LRRK2: variants seen among roughly 807,000 people sequenced by gnomAD.
LRRK2 encodes the protein leucine rich repeat kinase 2.
In LRRK2, 203 loss-of-function variants were observed where a neutral mutation model predicts 302.6. The observed-to-expected ratio is 0.67, with a 90% CI of 0.60 to 0.75. The LOEUF (loss-of-function observed/expected upper bound fraction) is 0.75. Ranked by LOEUF, LRRK2 falls within the 30% of genes least tolerant of loss-of-function variation. The pLI, the probability that LRRK2 is intolerant of heterozygous loss-of-function variation, is 0.00. For synonymous variants in LRRK2, 1,066 were observed against 1,031.9 expected (o/e 1.03, Z -0.63); for missense variants, 2,830 against 2,951.0 (o/e 0.96, Z 0.95).
intron 32 of LRRK2, among the ~76,000 whole-genome samples, chr12:40,314,912 G>GCAC (rs1945165395): frequency 6.6e-6 from 1 of 152,034 alleles, no homozygotes; most frequent in Non-Finnish European, 1.5e-5. Context: ...TTTGTAGTGT[G>GCAC]TATTCAGCAA....
At chr12:40,353,981 A>AGGGAGAGGGAGACCATG (rs1452114433) in intron 44 of LRRK2, among the ~76,000 whole-genome samples, 1 of 152,104 alleles carries the variant, frequency 6.6e-6, no homozygotes, top group African/African-American at 2.4e-5. Flanking sequence ...GTGGAAAGAG[A>AGGGAGAGGGAGACCATG]GGGAGAGGGA....
intron 14 of LRRK2, among the ~76,000 whole-genome samples, chr12:40,271,033 T>TC (rs1943212718): frequency 6.6e-6 from 1 of 152,066 alleles, no homozygotes; most frequent in Admixed American, 6.6e-5. Context: ...TGCCTCGACC[T>TC]CCCAAAGTGC....
At chr12:40,356,390 C>T (rs1377420769) in intron 46 of LRRK2, among the ~76,000 whole-genome samples, 7 of 151,754 alleles carry the variant, frequency 4.6e-5, no homozygotes, top group Non-Finnish European at 8.8e-5. Flanking sequence ...TATGAATGAA[C>T]TAAGAATAAA....
At chr12:40,251,413 G>C in intron 9 of LRRK2, 39 bp downstream of exon 9, 3 of 1,613,084 alleles carry the variant, frequency 1.9e-6, no homozygotes, top group Non-Finnish European at 2.5e-6. Context: ...TCAAAATTAT[G>C]TTTTCCAGTC....
At chr12:40,259,715 A>T in intron 13 of LRRK2, 111 bp downstream of exon 13, 2 of 1,379,512 alleles carry the variant, frequency 1.4e-6, no homozygotes, top group South Asian at 2.4e-5. Context: ...TCTGTCGACT[A>T]AATGTAAATC....
intron 40 of LRRK2, among the ~76,000 whole-genome samples, chr12:40,338,932 C>T (rs766936984): frequency 1.4e-4 from 22 of 152,144 alleles, no homozygotes; most frequent in Non-Finnish European, 2.9e-4. Flanking sequence ...CCATTACTTA[C>T]TGTGAAGGTC....
intron 48 of LRRK2, among the ~76,000 whole-genome samples, chr12:40,364,494 C>T (rs1041477353): frequency 6.6e-6 from 1 of 150,522 alleles, no homozygotes; most frequent in African/African-American, 2.4e-5. Flanking sequence ...ATTGAGACTT[C>T]ATGTAAAACT....
chr12:40,305,798 T>C lies in LRRK2; in HGVS notation c.3791T>C (p.Ile1264Thr). ...TTTCCCATTAAGATTCCTCCTGAGA[T>C]TGGCTGTCTTGAAAATCTGACATCT... ...HNKLKEIPPEIGCLENLTSLD... is the reference protein window; with the variant it reads ...HNKLKEIPPETGCLENLTSLD... Residue 1264 changes from isoleucine (I) to threonine (T), a missense_variant, in exon 28 of 51, where the codon ATT (isoleucine) becomes ACT (threonine). Physicochemically the swap from Ile to Thr is moderately conservative, Grantham distance 89 (BLOSUM62 -1). Coordinates refer to ENST00000298910, the MANE Select transcript of LRRK2 (RefSeq NM_198578.4). 2 of 1,613,568 alleles carry C rather than the reference T, an allele frequency of 1.2e-6. No individual in the cohort carries two copies. The highest frequency in any genetic ancestry group is 1.1e-5 in the South Asian group (1 of 91,070).
chr12:40,321,049 G>C lies in LRRK2; in HGVS notation c.5031G>C (p.Arg1677Ser), dbSNP rs575582614. Residue 1677 changes from arginine to serine, a missense_variant, in exon 35 of 51, where the codon AGG becomes AGC. Around this residue, in one of 3 missense-constraint regions of LRRK2, gnomAD observed 2,121 missense variants for 2,148.0 expected, o/e 0.99. Transcript: ENST00000298910. ...TTGCCTTTAGTTTGTCTGACCACAG[G>C]CCTGTGATAGAGCTTCCCCATTGTG... ...LLVPSSLSDH[R>S]PVIELPHCEN... The C allele has an allele frequency of 2.5e-6, 4 of 1,612,632 alleles. No homozygotes were observed. The highest frequency in any genetic ancestry group is 4.5e-5 in the East Asian group (2 of 44,816).
chr12:40,264,155 C>T (rs552790969), intron 14 of LRRK2, among the ~76,000 whole-genome samples: 3 of 152,292 alleles, frequency 2.0e-5, no homozygotes, highest in Admixed American at 6.5e-5. Flanking sequence ...CATAAATCCA[C>T]TCTAGTTTGC....
chr12:40,323,327 G>A lies in LRRK2; in HGVS notation c.5656+21G>A, dbSNP rs186932187. 45 of 1,593,958 alleles carry A rather than the reference G, an allele frequency of 2.8e-5. No homozygotes were observed. The Admixed American group carries it at 4.2e-4, about 15-fold the overall frequency. ...CCTAGGTAATTCTTTTTGTTAATTT[G>A]AGAATAAAAATTAGGATGTAATTTT... On this transcript the variant is annotated intron_variant, in intron 38 of 50. Coordinates refer to ENST00000298910, the MANE Select transcript of LRRK2 (RefSeq NM_198578.4).
chr12:40,238,286 G>A (rs1941563117), intron 5 of LRRK2, among the ~76,000 whole-genome samples, 183 bp downstream of exon 5: 1 of 152,126 alleles, frequency 6.6e-6, no homozygotes, highest in Non-Finnish European at 1.5e-5. Flanking sequence ...TTTTGGTGGG[G>A]TGAATTTCAT....
chr12:40,299,373 C>T (rs1944533255), intron 25 of LRRK2, 116 bp downstream of exon 25: 2 of 1,142,906 alleles, frequency 1.7e-6, no homozygotes, highest in African/African-American at 3.1e-5. Context: ...AAATATTATG[C>T]TGGATTTAAA....
intron 41 of LRRK2, among the ~76,000 whole-genome samples, chr12:40,340,706 T>G (rs1258491402): frequency 6.6e-6 from 1 of 152,238 alleles, no homozygotes; most frequent in Non-Finnish European, 1.5e-5. Context: ...GTTATATGTT[T>G]TAAAGTTAGA....
chr12:40,270,572 C>A (rs944518985), intron 14 of LRRK2, among the ~76,000 whole-genome samples: 1 of 151,628 alleles, frequency 6.6e-6, no homozygotes, highest in African/African-American at 2.4e-5. Context: ...GTAGGCATTT[C>A]ACTGTGTTCT....
At chr12:40,353,238 C>T (rs1457686164) in intron 44 of LRRK2, among the ~76,000 whole-genome samples, 1 of 53,700 alleles carries the variant, frequency 1.9e-5, no homozygotes, top group African/African-American at 5.0e-5. Context: ...GGGCAGCTGC[C>T]AGGCAAAGGG....
chr12:40,288,879 C>G (rs966541095), intron 20 of LRRK2, among the ~76,000 whole-genome samples: 1 of 151,728 alleles, frequency 6.6e-6, no homozygotes, highest in Non-Finnish European at 1.5e-5. Context: ...TTTACTAATT[C>G]TATTTTTAAC....
At chr12:40,252,618 C>A (rs1942323383) in intron 10 of LRRK2, among the ~76,000 whole-genome samples, 1 of 152,146 alleles carries the variant, frequency 6.6e-6, no homozygotes, top group African/African-American at 2.4e-5. Flanking sequence ...TGTTTCCATT[C>A]TCTTCTCCTC....
chr12:40,354,928 A>G (rs1946480636), intron 45 of LRRK2, among the ~76,000 whole-genome samples: 1 of 152,180 alleles, frequency 6.6e-6, no homozygotes, highest in Non-Finnish European at 1.5e-5. Flanking sequence ...GAAAAAAATT[A>G]AATAAATGAA....
Sources: gnomAD v4.1 joint callset for allele counts (sites outside exome capture counted in the v4.1 genomes callset) on GRCh38, gnomAD v4.1.1 for gene constraint, gnomAD v4.1.1 regional missense constraint, MANE v1.5 for transcripts, NCBI Gene and HGNC (gene_info 2026-07-23, HGNC 2026-07-21) for gene names.